Variants in TMEM63A observed in about 807,000 individuals in gnomAD.
The protein encoded by TMEM63A is mechanosensitive cation channel TMEM63A.
A neutral mutation model predicts 100.6 loss-of-function variants in TMEM63A; 76 were observed. The ratio of observed to expected loss-of-function variants is 0.76; its 90% confidence interval spans 0.63 to 0.91. The LOEUF is 0.91. Ranked by LOEUF, TMEM63A falls within the 40% of genes least tolerant of loss-of-function variation. The pLI, the probability that TMEM63A is intolerant of heterozygous loss-of-function variation, is 0.00. For synonymous variants in TMEM63A, 401 were observed against 401.1 expected (o/e 1.00, Z 0.00); for missense variants, 876 against 1,008.8 (o/e 0.87, Z 1.78).
rs2102826192 is a variant in TMEM63A at position 225,853,866 on chromosome 1, A to C, written c.1635-75T>G. 7.0e-7 allele frequency: 1 copy of C among 1,424,198 alleles called. No individual in the cohort carries two copies. Among genetic ancestry groups the C allele is most frequent in the South Asian group, 1.5e-5 (1 of 67,932 alleles). The allele number at this position is 1,424,198 out of a possible 1,614,324, so 88.2% of individuals were successfully genotyped here. On this transcript the variant is annotated intron_variant, in intron 18 of 24. Transcript: ENST00000366835. The surrounding 1 kb of genome is among the most constrained non-coding windows in gnomAD (Gnocchi z 4.0). Reference sequence around the variant, plus strand: ...GAGAGGAGGGGCCCCTAGGCTGGGCAGGAGCAGAAAGCCCCTGGGAGGGCT... The same window carrying C: ...GAGAGGAGGGGCCCCTAGGCTGGGCCGGAGCAGAAAGCCCCTGGGAGGGCT...
chr1:225,869,027 G>A (rs1364145402), intron 6 of TMEM63A, among the ~76,000 whole-genome samples: 2 of 152,264 alleles, frequency 1.3e-5, no homozygotes, highest in African/African-American at 4.8e-5. Context: ...TGGGAAAGCA[G>A]TGCTTTGGGA....
chr1:225,868,301 G>A (rs1670314367), intron 6 of TMEM63A, among the ~76,000 whole-genome samples: 1 of 152,120 alleles, frequency 6.6e-6, no homozygotes, highest in Non-Finnish European at 1.5e-5. Context: ...AGAAACATTT[G>A]TGCCCAAGTT....
chr1:225,873,911 C>T (rs1182676166), intron 4 of TMEM63A, among the ~76,000 whole-genome samples: 1 of 152,226 alleles, frequency 6.6e-6, no homozygotes, highest in Non-Finnish European at 1.5e-5. Flanking sequence ...AGTCTGAAGC[C>T]AACAAGGTTC....
At chr1:225,858,126 C>T (rs1051575543) in intron 15 of TMEM63A, among the ~76,000 whole-genome samples, 1 of 152,082 alleles carries the variant, frequency 6.6e-6, no homozygotes, top group African/African-American at 2.4e-5. Flanking sequence ...CGTGTGCTTT[C>T]CCAGGGAATG....
chr1:225,867,777 A>C lies in TMEM63A; in HGVS notation c.514+111T>G, dbSNP rs1445795101. ...CAGAGTCACCCTGAGACCATCTTAC[A>C]TCTGAAGTGGGGCATGACTCCTGGG... On this transcript the variant is annotated intron_variant, in intron 7 of 24. Transcript: ENST00000366835. This position sits in a 1 kb window ranked among gnomAD's most constrained non-coding sequence, Gnocchi z 4.6. 1 of 1,401,790 alleles carries C rather than the reference A, an allele frequency of 7.1e-7. No individual in the cohort carries two copies. Among genetic ancestry groups the C allele is most frequent in the African/African-American group, 1.4e-5 (1 of 69,556 alleles). The allele number at this position is 1,401,790 out of a possible 1,614,324, so 86.8% of individuals were successfully genotyped here.
chr1:225,848,578 C>A (rs376048291), intron 22 of TMEM63A, 24 bp from the exon 23 acceptor site: 7 of 1,613,144 alleles, frequency 4.3e-6, no homozygotes, highest in South Asian at 1.1e-5. Flanking sequence ...CAAAAACTTG[C>A]GATGATAAAC....
downstream of TMEM63A, among the ~76,000 whole-genome samples, chr1:225,843,045 GGAAA>G (rs1278174399): frequency 2.0e-5 from 3 of 152,196 alleles, no homozygotes; most frequent in Non-Finnish European, 4.4e-5. Flanking sequence ...GCTGGGGATG[GGAAA>G]GACAGTAAAA....
In TMEM63A at chr1:225,856,040, C is replaced by T. The variant is rs768490721; in HGVS notation, c.1572-100G>A. ...TTTGCTCTAAAAACAGGCCAAAGCTCGAGATTGACTTTTGTTCTCAACGAT... is the reference window on the plus strand; with the variant it reads ...TTTGCTCTAAAAACAGGCCAAAGCTTGAGATTGACTTTTGTTCTCAACGAT... On this transcript the variant is annotated intron_variant, in intron 17 of 24. Coordinates refer to ENST00000366835, the MANE Select transcript of TMEM63A (RefSeq NM_014698.3). 1.2e-5 allele frequency: 15 copies of T among 1,260,936 alleles called. No homozygotes were observed. In the East Asian group the frequency reaches 2.0e-4, roughly 17 times the overall value. 78.1% of individuals were successfully genotyped at this position (1,260,936 alleles called of 1,614,324 possible).
chr1:225,844,761 G>C (rs544781291), downstream of TMEM63A: 49 of 1,384,142 alleles, frequency 3.5e-5, no homozygotes, highest in South Asian at 6.3e-4. Flanking sequence ...CCTTGGATGG[G>C]AACACTAAAG....
Position 225,862,426 on chromosome 1 carries a change from T to C in TMEM63A, c.951+29A>G, listed in dbSNP as rs1669987380. The C allele has an allele frequency of 1.4e-5, 23 of 1,613,836 alleles. No homozygotes were observed. The highest frequency in any genetic ancestry group is 1.9e-5 in the Non-Finnish European group (23 of 1,179,842). On this transcript the variant is annotated intron_variant, in intron 12 of 24. Transcript: ENST00000366835. The surrounding 1 kb of genome is among the most constrained non-coding windows in gnomAD (Gnocchi z 5.1). ...TGGGGCACCCCGATGCCAATGCCTC[T>C]GCTCCCAGCCGGGGGGTGGGACCCT...
intron 4 of TMEM63A, among the ~76,000 whole-genome samples, chr1:225,873,518 C>T (rs1245278728): frequency 2.6e-5 from 4 of 152,142 alleles, no homozygotes; most frequent in African/African-American, 9.7e-5. Flanking sequence ...GTTTTCATCA[C>T]TCACTTCCTA....
intron 13 of TMEM63A, chr1:225,861,692 T>A (rs1047425787): frequency 3.6e-5 from 6 of 166,736 alleles, no homozygotes; most frequent in Non-Finnish European, 7.9e-5. Flanking sequence ...ACCACAGGCA[T>A]GAGAGCCTAG....
intron 18 of TMEM63A, 54 bp downstream of exon 18, chr1:225,855,822 CCT>C: frequency 6.4e-7 from 1 of 1,574,764 alleles, no homozygotes; most frequent in African/African-American, 1.4e-5. Flanking sequence ...AGCCCCAGCC[CCT>C]GTGGGACTTT....
downstream of TMEM63A, chr1:225,844,726 C>A: frequency 6.5e-7 from 1 of 1,542,786 alleles, no homozygotes; most frequent in Non-Finnish European, 8.7e-7. Context: ...ATAAGTATAG[C>A]CTTGCCTGCA....
intron 15 of TMEM63A, among the ~76,000 whole-genome samples, chr1:225,858,305 T>C (rs1669739570): frequency 6.7e-6 from 1 of 150,064 alleles, no homozygotes; most frequent in South Asian, 2.1e-4. Context: ...TCATTACCTA[T>C]ACAGAATAGT....
intron 1 of TMEM63A, among the ~76,000 whole-genome samples, chr1:225,881,934 T>A (rs1394791660): frequency 6.6e-6 from 1 of 151,986 alleles, no homozygotes; most frequent in East Asian, 1.9e-4. Context: ...CTTGGCCCTT[T>A]CCCAGCCCGG....
chr1:225,873,148 C>T (rs1330901666), intron 4 of TMEM63A, among the ~76,000 whole-genome samples: 1 of 152,124 alleles, frequency 6.6e-6, no homozygotes, highest in African/African-American at 2.4e-5. Flanking sequence ...CAGAAGGAGA[C>T]CGACCCTATT....
chr1:225,872,965 A>G (rs1670594787), intron 4 of TMEM63A, among the ~76,000 whole-genome samples: 1 of 152,010 alleles, frequency 6.6e-6, no homozygotes, highest in African/African-American at 2.4e-5. Flanking sequence ...AAGTGCTGGG[A>G]TTATAGGTGT....
intron 6 of TMEM63A, among the ~76,000 whole-genome samples, chr1:225,870,301 G>A (rs1388237939): frequency 5.3e-5 from 8 of 151,062 alleles, no homozygotes; most frequent in Admixed American, 2.6e-4. Flanking sequence ...GCGGTGAGCC[G>A]AGATCGTGCC....
Sources: allele counts gnomAD v4.1 joint callset (sites outside exome capture counted in the v4.1 genomes callset), GRCh38; gene constraint gnomAD v4.1.1; non-coding constraint Gnocchi (gnomAD v3.1); transcripts MANE v1.5; gene names NCBI Gene and HGNC (gene_info 2026-07-23, HGNC 2026-07-21).